Variants in CNTNAP2 observed in about 807,000 individuals in gnomAD.
CNTNAP2 encodes contactin-associated protein-like 2.
CNTNAP2 carries 98 observed loss-of-function variants against 155.2 expected under a neutral mutation model. The ratio of observed to expected loss-of-function variants is 0.63; its 90% CI spans 0.54 to 0.75. The LOEUF (loss-of-function observed/expected upper bound fraction) is 0.75, where lower values mean the gene tolerates loss of function less well. Among genes scored for constraint, CNTNAP2 ranks in the 30% least tolerant of loss-of-function variants. CNTNAP2 has a pLI of 0.00. For missense variants in CNTNAP2, 1,727 were observed against 1,688.1 expected, an observed-to-expected ratio of 1.02 and a Z score of -0.40; for synonymous variants, 651 against 631.2, an observed-to-expected ratio of 1.03 and a Z score of -0.47.
chr7:147,461,457 T>C (rs1369494938), intron 10 of CNTNAP2, among the ~76,000 whole-genome samples: 1 of 152,158 alleles, frequency 6.6e-6, no homozygotes, highest in African/African-American at 2.4e-5. Flanking sequence ...GATTTTTATG[T>C]AAGATAATAA....
chr7:148,058,729 GGAA>G lies in CNTNAP2; in HGVS notation c.2384-59384_2384-59382del, dbSNP rs568883931. 1.8e-3 allele frequency among the ~76,000 whole-genome samples: 268 copies of G among 152,274 alleles called. 1 individual carries two copies. The highest frequency in any genetic ancestry group is 6.1e-3 in the African/African-American group (254 of 41,536). ...ATATGAGCCAAATAAATTGAAAATA[GGAA>G]GAAGGAGTACATGACCTCACCCAAA... On this transcript the variant is annotated intron_variant, in intron 15 of 23. Coordinates refer to ENST00000361727, the MANE Select transcript of CNTNAP2 (RefSeq NM_014141.6).
intron 1 of CNTNAP2, among the ~76,000 whole-genome samples, chr7:146,256,942 G>A (rs1799848137): frequency 6.6e-6 from 1 of 152,148 alleles, no homozygotes; most frequent in Admixed American, 6.5e-5. Context: ...ATGTGTTCTA[G>A]AAATGGCATC....
In CNTNAP2 at chr7:147,132,257, T is replaced by C. The variant is rs761910664; in HGVS notation, c.1096T>C (p.Phe366Leu). Reference sequence around the variant, plus strand: ...TTCTATTTTACAGGGAAATTTGAGCTTTTCTTGTGTGGAACCCTATACGGT... The same window carrying C: ...TTCTATTTTACAGGGAAATTTGAGCCTTTCTTGTGTGGAACCCTATACGGT... The part of the protein sequence containing the change: ...LEPSNVGNLS[F>L]SCVEPYTVPV... The change falls in exon 8 of 24, where the codon TTT becomes CTT. Residue 366 changes from phenylalanine (F) to leucine (L), a missense_variant. Coordinates refer to ENST00000361727, the MANE Select transcript of CNTNAP2 (RefSeq NM_014141.6). 4 of 1,613,660 alleles carry C rather than the reference T, an allele frequency of 2.5e-6. No homozygotes were observed. The South Asian group carries it at 4.4e-5, about 18-fold the overall frequency.
chr7:146,388,470 A>G (rs564301534), intron 1 of CNTNAP2, among the ~76,000 whole-genome samples: 11 of 152,072 alleles, frequency 7.2e-5, no homozygotes, highest in African/African-American at 2.7e-4. Flanking sequence ...TAGTAGGTGT[A>G]TATATTTATG....
At chr7:146,232,436 A>T (rs1562999752) in intron 1 of CNTNAP2, among the ~76,000 whole-genome samples, 1 of 152,118 alleles carries the variant, frequency 6.6e-6, no homozygotes, top group Non-Finnish European at 1.5e-5. Flanking sequence ...GAAATTGAGA[A>T]ATGTGTGTAG....
chr7:146,819,908 T>C (rs1197586044), intron 2 of CNTNAP2, among the ~76,000 whole-genome samples: 1 of 152,194 alleles, frequency 6.6e-6, no homozygotes, highest in African/African-American at 2.4e-5. Context: ...TATCCACTTC[T>C]TGATACATCC....
intron 2 of CNTNAP2, among the ~76,000 whole-genome samples, chr7:146,817,209 C>G (rs534859795): frequency 1.3e-5 from 2 of 152,104 alleles, no homozygotes; most frequent in Admixed American, 1.3e-4. Flanking sequence ...CGGTGACTCA[C>G]CCCTGTAATC....
intron 9 of CNTNAP2, among the ~76,000 whole-genome samples, chr7:147,385,141 G>A (rs1346899369): frequency 6.6e-6 from 1 of 152,076 alleles, no homozygotes; most frequent in East Asian, 1.9e-4. Flanking sequence ...AACAGCACAG[G>A]AAAGACCCAT....
At chr7:147,321,496 AGAC>A (rs1795349955) in intron 9 of CNTNAP2, among the ~76,000 whole-genome samples, 1 of 152,094 alleles carries the variant, frequency 6.6e-6, no homozygotes, top group Non-Finnish European at 1.5e-5. Context: ...CCATCATTTT[AGAC>A]TGTCAACATA....
intron 1 of CNTNAP2, among the ~76,000 whole-genome samples, chr7:146,164,973 A>T (rs1798290472): frequency 6.6e-6 from 1 of 152,196 alleles, no homozygotes; most frequent in Non-Finnish European, 1.5e-5. Context: ...TAAAGCCTAA[A>T]GTAATCTACA....
intron 15 of CNTNAP2, among the ~76,000 whole-genome samples, chr7:147,990,018 G>T (rs1585065320): frequency 6.6e-6 from 1 of 151,372 alleles, no homozygotes; most frequent in African/African-American, 2.4e-5. Context: ...AACTTGGGTG[G>T]CTCTCAAGCC....
At chr7:147,568,063 G>A (rs1800210191) in intron 12 of CNTNAP2, among the ~76,000 whole-genome samples, 1 of 152,024 alleles carries the variant, frequency 6.6e-6, no homozygotes, top group Non-Finnish European at 1.5e-5. Flanking sequence ...TGCAGCCTGG[G>A]CAACACAGCG....
intron 1 of CNTNAP2, among the ~76,000 whole-genome samples, chr7:146,757,180 C>A (rs1001114340): frequency 1.3e-5 from 2 of 152,172 alleles, no homozygotes; most frequent in East Asian, 1.9e-4. Flanking sequence ...AAATGGGTGA[C>A]AATTTCTTGA....
chr7:146,712,145 T>A (rs1801094340), intron 1 of CNTNAP2, among the ~76,000 whole-genome samples: 1 of 127,480 alleles, frequency 7.8e-6, no homozygotes, highest in Non-Finnish European at 1.7e-5. Flanking sequence ...ATGTATACTA[T>A]ATAGTATACA....
intron 11 of CNTNAP2, among the ~76,000 whole-genome samples, chr7:147,504,183 C>G (rs1361023213): frequency 6.6e-6 from 1 of 152,094 alleles, no homozygotes; most frequent in Non-Finnish European, 1.5e-5. Context: ...ATTGGCAGCT[C>G]TAGTAGAGAA....
chr7:146,419,400 C>G (rs572320511), intron 1 of CNTNAP2, among the ~76,000 whole-genome samples: 1 of 152,098 alleles, frequency 6.6e-6, no homozygotes, highest in African/African-American at 2.4e-5. Flanking sequence ...AACCATATCA[C>G]CTTTGGAATG....
intron 1 of CNTNAP2, among the ~76,000 whole-genome samples, chr7:146,302,544 GA>G (rs1800629258): frequency 6.6e-6 from 1 of 152,092 alleles, no homozygotes; most frequent in African/African-American, 2.4e-5. Flanking sequence ...TTTATGGAAG[GA>G]AAAAACTGAA....
intron 8 of CNTNAP2, among the ~76,000 whole-genome samples, chr7:147,280,946 G>GA (rs1019165375): frequency 5.3e-5 from 8 of 151,570 alleles, no homozygotes; most frequent in South Asian, 4.2e-4. Flanking sequence ...TCTGAAAAGT[G>GA]AAAAAAAATC....
Position 146,472,473 on chromosome 7 carries a change from A to G in CNTNAP2, c.98-301798A>G, listed in dbSNP as rs573721220. On this transcript the variant is annotated intron_variant, in intron 1 of 23. Transcript: ENST00000361727. ...GCATTGCACTCGGATAACCACTAGG[A>G]CCTCAGAGCATGAGAGTTCTAATCA... Among the ~76,000 whole-genome samples the G allele has an allele frequency of 2.6e-5, 4 of 152,304 alleles. No individual in the cohort carries two copies. In the South Asian group the frequency reaches 8.3e-4, roughly 32 times the overall value.
Sources: allele counts gnomAD v4.1 joint callset (sites outside exome capture counted in the v4.1 genomes callset), GRCh38; gene constraint gnomAD v4.1.1; transcripts MANE v1.5; gene names NCBI Gene and HGNC (gene_info 2026-07-23, HGNC 2026-07-21).